The following COL4A3 variants were observed in gnomAD, a reference collection of about 807,000 sequenced individuals.
The protein encoded by COL4A3 is collagen alpha-3(IV) chain.
In COL4A3, 135 loss-of-function variants were observed where a neutral mutation model predicts 217.4. That is an observed-to-expected ratio of 0.62 (90% CI 0.54 to 0.72). The LOEUF is 0.72. Among genes scored for constraint, COL4A3 ranks in the 30% least tolerant of loss-of-function variants. The pLI, the probability that COL4A3 is intolerant of heterozygous loss-of-function variation, is 0.00. For synonymous variants in COL4A3, 690 were observed against 736.3 expected (o/e 0.94, Z 1.02); for missense variants, 1,868 against 2,119.9 (o/e 0.88, Z 2.33).
chr2:227,231,713 G>A (rs1318108397), intron 1 of COL4A3, among the ~76,000 whole-genome samples: 1 of 152,064 alleles, frequency 6.6e-6, no homozygotes, highest in African/African-American at 2.4e-5. Flanking sequence ...TCATTTCTTT[G>A]TAGAGATGGG....
chr2:227,204,505 A>G (rs2067025398), intron 1 of COL4A3, among the ~76,000 whole-genome samples: 1 of 152,186 alleles, frequency 6.6e-6, no homozygotes, highest in South Asian at 2.1e-4. Flanking sequence ...GTTAGACTCC[A>G]CCATATACGA....
At chr2:227,194,052 A>AGAG (rs1344023390) in intron 1 of COL4A3, among the ~76,000 whole-genome samples, 6 of 29,662 alleles carry the variant, frequency 2.0e-4, no homozygotes, top group African/African-American at 5.8e-4. Context: ...AAAGAGAAGG[A>AGAG]GAGGAGAAGG....
At chr2:227,268,029 G>A (rs1271487440) in intron 23 of COL4A3, among the ~76,000 whole-genome samples, 4 of 152,098 alleles carry the variant, frequency 2.6e-5, no homozygotes, top group Admixed American at 1.3e-4. Flanking sequence ...TCTGCCCCTC[G>A]GGCCACTCCC....
intron 28 of COL4A3, 115 bp downstream of exon 28, chr2:227,277,668 T>TA: frequency 1.5e-6 from 1 of 676,586 alleles, no homozygotes; most frequent in East Asian, 2.7e-5. Context: ...ATATAAGATA[T>TA]AAAATGAGTA....
chr2:227,207,856 G>A (rs1290960780), intron 1 of COL4A3, among the ~76,000 whole-genome samples: 1 of 152,198 alleles, frequency 6.6e-6, no homozygotes, highest in African/African-American at 2.4e-5. Context: ...AACTTGCCCT[G>A]TAGGGAGTGT....
chr2:227,273,185 G>A (rs542445963), intron 26 of COL4A3, 68 bp downstream of exon 26: 2 of 1,536,334 alleles, frequency 1.3e-6, no homozygotes, highest in Non-Finnish European at 9.0e-7. Context: ...AGCTAACGAA[G>A]CTTCTCCAAG....
intron 1 of COL4A3, among the ~76,000 whole-genome samples, chr2:227,174,254 AG>A (rs1404192523): frequency 6.6e-5 from 10 of 152,208 alleles, no homozygotes; most frequent in Non-Finnish European, 1.5e-4. Flanking sequence ...AATTGGAAAA[AG>A]GAATGGGGCA....
intron 3 of COL4A3, among the ~76,000 whole-genome samples, chr2:227,243,601 A>C (rs774408871): frequency 2.6e-5 from 4 of 152,226 alleles, no homozygotes; most frequent in Non-Finnish European, 5.9e-5. Flanking sequence ...CTTTTCTCAA[A>C]TAATAACAAT....
chr2:227,196,393 C>A (rs1456475250), intron 1 of COL4A3, among the ~76,000 whole-genome samples: 1 of 151,750 alleles, frequency 6.6e-6, no homozygotes, highest in African/African-American at 2.4e-5. Flanking sequence ...TCTCGGCTCA[C>A]TGCAAGCTCC....
rs1030228450 is a variant in COL4A3, at chr2:227,261,179, T to C, written c.1150+62T>C. 4.5e-6 allele frequency: 6 copies of C among 1,335,844 alleles called. No individual in the cohort carries two copies. In the Admixed American group the frequency reaches 1.1e-4, roughly 23 times the overall value. The allele number at this position is 1,335,844 out of a possible 1,614,324, so 82.7% of individuals were successfully genotyped here. A position where few individuals can be genotyped will look rare whatever the true frequency, so the allele number is the denominator to read the frequency against. On this transcript the variant is annotated intron_variant, in intron 20 of 51. Coordinates refer to ENST00000396578, the MANE Select transcript of COL4A3 (RefSeq NM_000091.5). ...TATTACAAAGGAAAATAAGCTGTCC[T>C]CTATTAAGTTTACATTATTTACATA... is the stretch of plus-strand genomic sequence containing the variant.
intron 1 of COL4A3, among the ~76,000 whole-genome samples, chr2:227,211,118 A>G (rs1455231939): frequency 6.6e-6 from 1 of 152,078 alleles, no homozygotes; most frequent in Non-Finnish European, 1.5e-5. Context: ...CTCCTGCCTC[A>G]GCCTCCTGAG....
chr2:227,170,154 C>T (rs934157016), intron 1 of COL4A3, among the ~76,000 whole-genome samples: 1 of 152,002 alleles, frequency 6.6e-6, no homozygotes, highest in Non-Finnish European at 1.5e-5. Context: ...CACAGAAATG[C>T]TACTGATTTT....
intron 39 of COL4A3, 149 bp from the exon 40 acceptor site, chr2:227,294,815 A>G: frequency 1.4e-6 from 1 of 739,264 alleles, no homozygotes; most frequent in Non-Finnish European, 2.4e-6. Flanking sequence ...CTGGGAACAT[A>G]GCTTCACATA....
rs72371878 is a variant in COL4A3, at chr2:227,282,275, AATATAT to A, written c.2489-69_2489-64del. 0.07 allele frequency: 24,304 copies of A among 346,804 alleles called. 5 individuals carry two copies. The highest frequency in any genetic ancestry group is 0.096 in the East Asian group (1,071 of 11,204). 21.5% of individuals were successfully genotyped at this position (346,804 alleles called of 1,614,324 possible). A position where few individuals can be genotyped will look rare whatever the true frequency, so the allele number is the denominator to read the frequency against. On this transcript the variant is annotated intron_variant, in intron 31 of 51. Coordinates refer to ENST00000396578, the MANE Select transcript of COL4A3 (RefSeq NM_000091.5). This position sits in a 1 kb window ranked among gnomAD's most constrained non-coding sequence, Gnocchi z 4.4. ...AGACAGAGGGAGATTCCATCTTAAA[AATATAT>A]ATATATATATATATATATATTTCTG... is the stretch of plus-strand genomic sequence containing the variant.
chr2:227,189,633 A>C (rs929676573), intron 1 of COL4A3, among the ~76,000 whole-genome samples: 1 of 152,200 alleles, frequency 6.6e-6, no homozygotes, highest in Non-Finnish European at 1.5e-5. Context: ...GTAAGACCTA[A>C]ATAACCCAGA....
At position 227,253,585 on chromosome 2, in the gene COL4A3, C is replaced by T. The variant is rs1404300672; in HGVS notation, c.712C>T (p.Pro238Ser). 6.2e-7 allele frequency: 1 copy of T among 1,614,022 alleles called. No individual in the cohort carries two copies. The change falls in exon 13 of 52, where the codon CCG becomes TCG. Residue 238 changes from proline (P) to serine (S), a missense_variant. Physicochemically the swap from Pro to Ser is moderately conservative, Grantham distance 74. This residue lies in a region of COL4A3 where 365 missense variants were observed against 333.8 expected (regional missense o/e 1.09). Transcript: ENST00000396578. This position sits in a 1 kb window ranked among gnomAD's most constrained non-coding sequence, Gnocchi z 4.4. ...ERGVKGLTGP[P>S]GPPGTVIVTL... The stretch of plus-strand genomic sequence containing the variant: ...GGGTGTGAAAGGGTTAACAGGACCC[C>T]CGGGACCACCAGGAACAGTTATTGT...
chr2:227,281,083 C>A, intron 31 of COL4A3, 77 bp downstream of exon 31: 1 of 897,362 alleles, frequency 1.1e-6, no homozygotes, highest in East Asian at 2.6e-5. Flanking sequence ...TGCTGCTTAA[C>A]ATGGGAACTG....
chr2:227,223,563 C>CCCCCCG (rs111680768), intron 1 of COL4A3, among the ~76,000 whole-genome samples: 1 of 151,248 alleles, frequency 6.6e-6, no homozygotes, highest in African/African-American at 2.4e-5. Flanking sequence ...GTGAGACGCC[C>CCCCCCG]CCCCAACTCT....
chr2:227,277,317 A>G (rs554770798), intron 27 of COL4A3, 132 bp from the exon 28 acceptor site: 1 of 576,004 alleles, frequency 1.7e-6, no homozygotes, highest in African/African-American at 4.1e-5. Flanking sequence ...AAACTCCATC[A>G]ACAGGAAAAA....
Sources: allele counts gnomAD v4.1 joint callset (sites outside exome capture counted in the v4.1 genomes callset), GRCh38; gene constraint gnomAD v4.1.1; regional missense constraint gnomAD v4.1.1; non-coding constraint Gnocchi (gnomAD v3.1); transcripts MANE v1.5; gene names NCBI Gene and HGNC (gene_info 2026-07-23, HGNC 2026-07-21).